Variants in ZBTB8A observed in about 807,000 individuals in gnomAD.
The protein encoded by ZBTB8A is zinc finger and BTB domain-containing protein 8A.
A neutral mutation model predicts 37.8 loss-of-function variants in ZBTB8A; 19 were observed. That is an observed-to-expected ratio of 0.50 (90% confidence interval 0.35 to 0.74). The LOEUF is 0.74. ZBTB8A is among the 30% of genes least tolerant of loss of function. The pLI, the probability that ZBTB8A is intolerant of heterozygous loss-of-function variation, is 0.01. For synonymous variants in ZBTB8A, 181 were observed against 185.2 expected, an observed-to-expected ratio of 0.98 and a Z score of 0.19; for missense variants, 394 against 537.8, an observed-to-expected ratio of 0.73 and a Z score of 2.65.
At chr1:32,580,387 G>T (rs752317463) in intron 2 of ZBTB8A, among the ~76,000 whole-genome samples, 2 of 151,770 alleles carry the variant, frequency 1.3e-5, no homozygotes, top group Non-Finnish European at 2.9e-5. Flanking sequence ...GTGAAACTCC[G>T]TCTCTACTAA....
chr1:32,595,982 T>G (rs957315431), intron 4 of ZBTB8A, among the ~76,000 whole-genome samples: 21 of 151,894 alleles, frequency 1.4e-4, no homozygotes, highest in South Asian at 1.0e-3. Context: ...TTAAGAAATA[T>G]GTACAGTTGG....
intron 3 of ZBTB8A, 114 bp from the exon 4 acceptor site, chr1:32,594,936 CTTTT>C (rs915861797): frequency 9.3e-7 from 1 of 1,078,310 alleles, no homozygotes; most frequent in Non-Finnish European, 1.2e-6. Context: ...CTTTTTATTT[CTTTT>C]TTTTTAAGTT....
Position 32,556,930 on chromosome 1 carries a change from G to A in ZBTB8A, c.-2+3390G>A, listed in dbSNP as rs142771139. On this transcript the variant is annotated intron_variant, in intron 2 of 4. Coordinates refer to ENST00000373510, the MANE Select transcript of ZBTB8A (RefSeq NM_001040441.3). ...GTATAGACCAATATATATAATACAAGGGAACTTAACTTTCTTAATTTTCCG... is the reference window on the plus strand; with the variant it reads ...GTATAGACCAATATATATAATACAAAGGAACTTAACTTTCTTAATTTTCCG... 1.6e-4 allele frequency among the ~76,000 whole-genome samples: 24 copies of A among 152,054 alleles called. No homozygotes were observed. In the East Asian group the frequency reaches 4.7e-3, roughly 30 times the overall value.
chr1:32,580,223 T>TC (rs1319952802), intron 2 of ZBTB8A, among the ~76,000 whole-genome samples: 9 of 151,984 alleles, frequency 5.9e-5, no homozygotes, highest in Non-Finnish European at 1.2e-4. Context: ...AAAGTGAGAC[T>TC]CCATCTCAAA....
intron 1 of ZBTB8A, among the ~76,000 whole-genome samples, chr1:32,541,775 T>C (rs1451253013): frequency 2.0e-5 from 3 of 152,194 alleles, no homozygotes; most frequent in Non-Finnish European, 4.4e-5. Flanking sequence ...CAGGTGCTTT[T>C]ATAAGGGCAC....
At chr1:32,590,077 C>T (rs533472273) in intron 2 of ZBTB8A, among the ~76,000 whole-genome samples, 34 of 150,910 alleles carry the variant, frequency 2.3e-4, no homozygotes, top group African/African-American at 8.3e-4. Context: ...GTTAATTTTT[C>T]TTTTTTTTTA....
Position 32,590,278 on chromosome 1 carries a change from A to G in ZBTB8A, c.-1-2653A>G, listed in dbSNP as rs561621393. On this transcript the variant is annotated intron_variant, in intron 2 of 4. Coordinates refer to ENST00000373510, the MANE Select transcript of ZBTB8A (RefSeq NM_001040441.3). ...GAGATTTCCCACACCAAGCAGGTAA[A>G]GTAAATCTGGTCTCCAGAATCTCAC... 8.5e-5 allele frequency among the ~76,000 whole-genome samples: 13 copies of G among 152,144 alleles called. No individual in the cohort carries two copies. The South Asian group carries it at 2.7e-3, about 32-fold the overall frequency.
intron 2 of ZBTB8A, among the ~76,000 whole-genome samples, chr1:32,592,679 G>T (rs1232206792): frequency 2.0e-5 from 3 of 151,962 alleles, no homozygotes; most frequent in African/African-American, 7.3e-5. Flanking sequence ...GCTAATTTTT[G>T]TATTTTTGGT....
intron 2 of ZBTB8A, among the ~76,000 whole-genome samples, chr1:32,581,676 G>A (rs1251073024): frequency 6.6e-6 from 1 of 151,938 alleles, no homozygotes; most frequent in African/African-American, 2.4e-5. Flanking sequence ...TTGCAGCATT[G>A]TATTAGTTTG....
At chr1:32,560,870 C>T (rs1482826001) in intron 2 of ZBTB8A, among the ~76,000 whole-genome samples, 3 of 152,072 alleles carry the variant, frequency 2.0e-5, no homozygotes, top group Non-Finnish European at 4.4e-5. Context: ...AAGTGATCTG[C>T]CCACCTTGGC....
chr1:32,549,874 A>G (rs926473623), intron 1 of ZBTB8A, among the ~76,000 whole-genome samples: 1 of 152,204 alleles, frequency 6.6e-6, no homozygotes, highest in African/African-American at 2.4e-5. Flanking sequence ...GCTATGAGAA[A>G]AAAATACAAT....
intron 4 of ZBTB8A, among the ~76,000 whole-genome samples, chr1:32,597,698 T>G (rs1331978425): frequency 2.0e-5 from 3 of 152,200 alleles, no homozygotes; most frequent in Non-Finnish European, 1.5e-5. Flanking sequence ...TGAATCTGTA[T>G]CAGAGCTTGT....
intron 1 of ZBTB8A, among the ~76,000 whole-genome samples, chr1:32,552,671 C>T (rs996547236): frequency 6.6e-6 from 1 of 151,676 alleles, no homozygotes; most frequent in African/African-American, 2.4e-5. Flanking sequence ...ATCTCAAAAA[C>T]ACCAAAACGA....
intron 2 of ZBTB8A, among the ~76,000 whole-genome samples, chr1:32,572,702 T>C (rs111385446): frequency 1.7e-3 from 260 of 152,282 alleles, no homozygotes; most frequent in African/African-American, 5.5e-3. Flanking sequence ...CGGCCTCTTA[T>C]ACTAATTTTG....
intron 2 of ZBTB8A, among the ~76,000 whole-genome samples, chr1:32,575,868 A>G (rs1644356068): frequency 6.6e-6 from 1 of 152,056 alleles, no homozygotes; most frequent in African/African-American, 2.4e-5. Context: ...CAAACAAACG[A>G]AAAGAATATT....
intron 1 of ZBTB8A, among the ~76,000 whole-genome samples, chr1:32,546,453 AAT>A (rs1644104836): frequency 7.8e-6 from 1 of 128,868 alleles, no homozygotes; most frequent in African/African-American, 3.2e-5. Flanking sequence ...CAAAAAAAAA[AAT>A]AAATAAATAA....
rs762433102 is a variant in ZBTB8A, at chr1:32,593,287, A to C, written c.356A>C (p.Lys119Thr). 4.3e-6 allele frequency: 7 copies of C among 1,614,126 alleles called. No individual in the cohort carries two copies. The highest frequency in any genetic ancestry group is 5.1e-6 in the Non-Finnish European group (6 of 1,180,034). Residue 119 changes from lysine (K) to threonine (T), a missense_variant, in exon 3 of 5, where the codon AAA becomes ACA. Physicochemically the swap from Lys to Thr is moderately conservative, Grantham distance 78 (BLOSUM62 -1). Coordinates refer to ENST00000373510, the MANE Select transcript of ZBTB8A (RefSeq NM_001040441.3). ...DVISVCKTFIKSSLDISEKEK... is the reference protein window; with the variant it reads ...DVISVCKTFITSSLDISEKEK... ...ATAAGTGTATGTAAGACTTTTATTA[A>C]ATCTTCCTTAGACATTAGTGAGAAA...
Position 32,558,257 on chromosome 1 carries a change from G to A in ZBTB8A, c.-2+4717G>A, listed in dbSNP as rs191834410. 5.3e-5 allele frequency among the ~76,000 whole-genome samples: 8 copies of A among 152,140 alleles called. No individual in the cohort carries two copies. In the East Asian group the frequency reaches 1.4e-3, roughly 26 times the overall value. ...CTGAAAATCAAACCTTAAACAAGAG[G>A]TAACAGTGTAAATGCTACCAATCAT... On this transcript the variant is annotated intron_variant, in intron 2 of 4. Coordinates refer to ENST00000373510, the MANE Select transcript of ZBTB8A (RefSeq NM_001040441.3).
chr1:32,577,586 C>CTTTTT (rs775868211), intron 2 of ZBTB8A, among the ~76,000 whole-genome samples: 44 of 86,764 alleles, frequency 5.1e-4, no homozygotes, highest in African/African-American at 7.2e-4. Flanking sequence ...ATATTGTATT[C>CTTTTT]TTTTTTTTTT....
Sources: allele counts gnomAD v4.1 joint callset (sites outside exome capture counted in the v4.1 genomes callset), GRCh38; gene constraint gnomAD v4.1.1; transcripts MANE v1.5; gene names NCBI Gene and HGNC (gene_info 2026-07-23, HGNC 2026-07-21).